DAB1: variants seen among roughly 807,000 people sequenced by gnomAD.
DAB1 encodes DAB adaptor protein 1, also known as disabled homolog 1.
Under a neutral mutation model 64.6 loss-of-function variants are expected in DAB1, and 15 were observed. The ratio of observed to expected loss-of-function variants is 0.23; its 90% CI spans 0.16 to 0.36. DAB1 has a LOEUF of 0.36. Among genes scored for constraint, DAB1 ranks in the 10% least tolerant of loss-of-function variants. The pLI is 1.00. For missense variants in DAB1, 596 were observed against 706.7 expected (o/e 0.84, Z 1.78); for synonymous variants, 235 against 251.9 (o/e 0.93, Z 0.64).
At chr1:57,218,440 G>A (rs1446546356) in intron 2 of DAB1, among the ~76,000 whole-genome samples, 1 of 145,650 alleles carries the variant, frequency 6.9e-6, no homozygotes, top group African/African-American at 2.6e-5. Flanking sequence ...CAAACTTTGG[G>A]AAGCTGAGGT....
intron 4 of DAB1, among the ~76,000 whole-genome samples, chr1:58,209,360 C>T (rs574787746): frequency 1.6e-4 from 25 of 152,292 alleles, no homozygotes; most frequent in African/African-American, 6.0e-4. Context: ...GAGCTGAGAA[C>T]TAACACTACT....
intron 7 of DAB1, among the ~76,000 whole-genome samples, chr1:57,451,870 T>C (rs1257402848): frequency 6.6e-6 from 1 of 152,204 alleles, no homozygotes; most frequent in Non-Finnish European, 1.5e-5. Context: ...TCTCATCATG[T>C]GCTGGAAGAT....
Position 57,741,222 on chromosome 1 carries a change from ATCT to A in DAB1, n.552-91560_552-91558del, listed in dbSNP as rs1167985553. Among the ~76,000 whole-genome samples the A allele has an allele frequency of 3.3e-5, 5 of 152,346 alleles. No homozygotes were observed. In the East Asian group the frequency reaches 9.6e-4, roughly 29 times the overall value. ...CTTCATTTCCTTATTCATAAAATAAATCTTCTGTTTCCTCTCTACTATTCCATC... is the reference window on the plus strand; with the variant it reads ...CTTCATTTCCTTATTCATAAAATAAATCTGTTTCCTCTCTACTATTCCATC... On this transcript the variant is annotated intron_variant and non_coding_transcript_variant, in intron 6 of 20. Coordinates refer to the DAB1 transcript ENST00000485760.
Position 57,097,667 on chromosome 1 carries a change from A to G in DAB1, c.307-25253T>C, listed in dbSNP as rs998255607. The stretch of plus-strand genomic sequence containing the variant: ...GGTTTTGAGGACTGTCACCTAAACT[A>G]CTTTAAGTATTAATTCATCATTATA... On this transcript the variant is annotated intron_variant, in intron 4 of 14. Transcript: ENST00000371236. Among the ~76,000 whole-genome samples the G allele has an allele frequency of 7.9e-5, 12 of 152,312 alleles. No homozygotes were observed. The East Asian group carries it at 2.3e-3, about 29-fold the overall frequency.
chr1:57,591,139 G>A (rs918479822), intron 7 of DAB1, among the ~76,000 whole-genome samples: 3 of 152,170 alleles, frequency 2.0e-5, no homozygotes, highest in African/African-American at 7.2e-5. Flanking sequence ...GGGAAGGGCC[G>A]CACTGCCTAG....
At chr1:57,432,716 T>C (rs1328711698) in intron 7 of DAB1, among the ~76,000 whole-genome samples, 1 of 152,224 alleles carries the variant, frequency 6.6e-6, no homozygotes, top group Non-Finnish European at 1.5e-5. Flanking sequence ...CCCTCTATTA[T>C]TTAAGGTAAT....
rs11577893 is a variant in DAB1, at chr1:58,091,374, A to G, written n.387+59137T>C. On this transcript the variant is annotated intron_variant and non_coding_transcript_variant, in intron 5 of 20. Transcript: ENST00000485760. ...GGCACAGCCCTCCCAGCTGAAACCT[A>G]GTGTAGCTCTTAGCACATCACCACC... Among the ~76,000 whole-genome samples, 401 of 152,340 alleles carry G rather than the reference A, an allele frequency of 2.6e-3. 2 individuals carry two copies. Among genetic ancestry groups the G allele is most frequent in the Non-Finnish European group, 4.2e-3 (287 of 68,040 alleles).
chr1:57,675,358 C>T (rs914700673), intron 6 of DAB1, among the ~76,000 whole-genome samples: 1 of 152,172 alleles, frequency 6.6e-6, no homozygotes, highest in Non-Finnish European at 1.5e-5. Context: ...AGAAACAGCA[C>T]AGTAAATAAG....
intron 6 of DAB1, among the ~76,000 whole-genome samples, chr1:57,670,526 C>G (rs1469247206): frequency 6.6e-6 from 1 of 152,072 alleles, no homozygotes; most frequent in Non-Finnish European, 1.5e-5. Context: ...CCATACAAAA[C>G]TGCAATCTTT....
At position 57,526,228 on chromosome 1, in the gene DAB1, G is replaced by A. The variant is rs189112140; in HGVS notation, n.625+123364C>T. ...TGGCATTACAGGCGTGAGCCACTGC[G>A]CCCGGCCTTAAATAGCATTTTTATA... On this transcript the variant is annotated intron_variant and non_coding_transcript_variant, in intron 7 of 20. Coordinates refer to the DAB1 transcript ENST00000485760. Among the ~76,000 whole-genome samples, 185 of 152,080 alleles carry A rather than the reference G, an allele frequency of 1.2e-3. 3 individuals carry two copies. Among genetic ancestry groups the A allele is most frequent in the African/African-American group, 7.2e-5 (3 of 41,418 alleles).
Position 57,722,094 on chromosome 1 carries a change from A to C in DAB1, n.552-72429T>G, listed in dbSNP as rs141343029. ...AACTTTGCCTTCCTAACACACAGAC[A>C]ATGTGACCATTTCTCATCAGTGTTG... On this transcript the variant is annotated intron_variant and non_coding_transcript_variant, in intron 6 of 20. Coordinates refer to the DAB1 transcript ENST00000485760. Among the ~76,000 whole-genome samples the C allele has an allele frequency of 7.9e-5, 12 of 152,318 alleles. No individual in the cohort carries two copies. The East Asian group carries it at 2.3e-3, about 29-fold the overall frequency.
Position 58,364,747 on chromosome 1 carries a change from G to T in DAB1, n.258-21344C>A, listed in dbSNP as rs550874459. On this transcript the variant is annotated intron_variant and non_coding_transcript_variant, in intron 3 of 20. Transcript: ENST00000485760. ...TATGTGTACTTGTAACAAACAAGGG[G>T]AAAAAATCCACATAACTTCCACTAT... Among the ~76,000 whole-genome samples, 9 of 152,286 alleles carry T rather than the reference G, an allele frequency of 5.9e-5. No individual in the cohort carries two copies. The East Asian group carries it at 1.7e-3, about 29-fold the overall frequency.
intron 5 of DAB1, among the ~76,000 whole-genome samples, chr1:58,063,016 G>C (rs1487415143): frequency 6.6e-6 from 1 of 152,110 alleles, no homozygotes; most frequent in African/African-American, 2.4e-5. Flanking sequence ...CTGATTGAGG[G>C]ATTACCATGT....
At chr1:58,524,750 C>T (rs921271036) in intron 2 of DAB1, among the ~76,000 whole-genome samples, 2 of 152,174 alleles carry the variant, frequency 1.3e-5, no homozygotes, top group Non-Finnish European at 2.9e-5. Context: ...TTCCTGGGAA[C>T]ATTTCCAGTA....
chr1:58,262,095 G>T (rs1661060295), intron 4 of DAB1, among the ~76,000 whole-genome samples: 1 of 152,182 alleles, frequency 6.6e-6, no homozygotes, highest in Non-Finnish European at 1.5e-5. Context: ...CTAAAAAGAG[G>T]AGAGTAATGA....
At chr1:58,440,034 G>T (rs181356811) in intron 3 of DAB1, among the ~76,000 whole-genome samples, 1 of 152,296 alleles carries the variant, frequency 6.6e-6, no homozygotes, top group East Asian at 1.9e-4. Flanking sequence ...AAGATTTTAG[G>T]GAGGACTAGA....
intron 5 of DAB1, among the ~76,000 whole-genome samples, chr1:57,950,576 T>C (rs951146275): frequency 1.3e-5 from 2 of 152,178 alleles, no homozygotes; most frequent in African/African-American, 4.8e-5. Context: ...AGTCTTGAAA[T>C]TGACATGATA....
At chr1:57,123,924 T>C (rs1287219214) in intron 4 of DAB1, among the ~76,000 whole-genome samples, 3 of 152,156 alleles carry the variant, frequency 2.0e-5, no homozygotes, top group East Asian at 3.8e-4. Flanking sequence ...TAATTTGCAG[T>C]TTTTTTCTTT....
At chr1:57,398,186 G>A (rs1682964487) in intron 1 of DAB1, among the ~76,000 whole-genome samples, 1 of 152,240 alleles carries the variant, frequency 6.6e-6, no homozygotes, top group African/African-American at 2.4e-5. Flanking sequence ...ATAGGCGGCA[G>A]AGAGAATTAT....
Sources: gnomAD v4.1 joint callset for allele counts (sites outside exome capture counted in the v4.1 genomes callset) on GRCh38, gnomAD v4.1.1 for gene constraint, MANE v1.5 for transcripts, NCBI Gene and HGNC (gene_info 2026-07-23, HGNC 2026-07-21) for gene names.